The following ST6GALNAC3 variants were observed in gnomAD, a reference collection of about 807,000 sequenced individuals.
The protein encoded by ST6GALNAC3 is ST6 N-acetylgalactosaminide alpha-2,6-sialyltransferase 3, also known as alpha-N-acetylgalactosaminide alpha-2,6-sialyltransferase 3.
In ST6GALNAC3, 25 loss-of-function variants were observed where a neutral mutation model predicts 32.7. That is an observed-to-expected ratio of 0.76 (90% CI 0.56 to 1.07). The LOEUF is 1.07. ST6GALNAC3 is among the 50% of genes least tolerant of loss of function. The pLI, the probability that ST6GALNAC3 is intolerant of heterozygous loss-of-function variation, is 0.00. For synonymous variants in ST6GALNAC3, 129 were observed against 133.1 expected (o/e 0.97, Z 0.21); for missense variants, 355 against 382.4 (o/e 0.93, Z 0.60).
chr1:76,189,502 C>T (rs12402760), intron 1 of ST6GALNAC3, among the ~76,000 whole-genome samples: 76,246 of 151,972 alleles, frequency 0.5, 22,426 homozygotes, highest in East Asian at 0.88. Context: ...TTAAGTCACA[C>T]GTCATTGTGC....
intron 3 of ST6GALNAC3, among the ~76,000 whole-genome samples, chr1:76,575,165 G>A (rs761574768): frequency 6.6e-6 from 1 of 152,088 alleles, no homozygotes; most frequent in South Asian, 2.1e-4. Flanking sequence ...ATATGCAGAG[G>A]AAATGGAAAT....
intron 3 of ST6GALNAC3, among the ~76,000 whole-genome samples, chr1:76,459,037 G>T (rs1658080558): frequency 1.3e-5 from 2 of 152,070 alleles, no homozygotes; most frequent in African/African-American, 4.8e-5. Context: ...TGACAATTCA[G>T]GAAGATATGT....
intron 1 of ST6GALNAC3, among the ~76,000 whole-genome samples, chr1:76,262,627 G>C (rs1485771527): frequency 6.6e-6 from 1 of 152,194 alleles, no homozygotes; most frequent in East Asian, 1.9e-4. Context: ...AAGCAGCTAA[G>C]AAGCTATTGT....
intron 1 of ST6GALNAC3, among the ~76,000 whole-genome samples, chr1:76,257,026 A>G (rs1657962578): frequency 6.6e-6 from 1 of 152,162 alleles, no homozygotes; most frequent in Non-Finnish European, 1.5e-5. Context: ...GTCAGACAGC[A>G]GCTAGCTATT....
chr1:76,423,422 A>T (rs912944625), intron 3 of ST6GALNAC3, among the ~76,000 whole-genome samples: 1 of 151,944 alleles, frequency 6.6e-6, no homozygotes, highest in African/African-American at 2.4e-5. Context: ...CATTTATTGT[A>T]TGCTTTTTTT....
chr1:76,157,462 G>A (rs991156786), intron 1 of ST6GALNAC3, among the ~76,000 whole-genome samples: 1 of 152,140 alleles, frequency 6.6e-6, no homozygotes, highest in African/African-American at 2.4e-5. Flanking sequence ...AAATAGCCTC[G>A]TCAACTAGAG....
chr1:76,363,708 G>T (rs1323602056), intron 2 of ST6GALNAC3, among the ~76,000 whole-genome samples: 1 of 152,184 alleles, frequency 6.6e-6, no homozygotes, highest in Non-Finnish European at 1.5e-5. Flanking sequence ...GGCTATGCAG[G>T]AAGCATGATG....
chr1:76,280,131 C>G (rs897193925), intron 1 of ST6GALNAC3, among the ~76,000 whole-genome samples: 2 of 152,136 alleles, frequency 1.3e-5, no homozygotes, highest in Non-Finnish European at 2.9e-5. Flanking sequence ...ACTTCATTCT[C>G]CCTGTTCTGT....
chr1:76,109,899 A>C (rs1406211493), intron 1 of ST6GALNAC3, among the ~76,000 whole-genome samples: 1 of 152,232 alleles, frequency 6.6e-6, no homozygotes, highest in Non-Finnish European at 1.5e-5. Context: ...TCTTCTACTA[A>C]CACATTATGA....
intron 1 of ST6GALNAC3, among the ~76,000 whole-genome samples, chr1:76,094,136 C>T (rs1647089626): frequency 6.6e-6 from 1 of 152,162 alleles, no homozygotes; most frequent in African/African-American, 2.4e-5. Flanking sequence ...AGGAAAGCAG[C>T]TGATAGAGTC....
At chr1:76,501,995 A>T (rs1394942503) in intron 3 of ST6GALNAC3, among the ~76,000 whole-genome samples, 1 of 152,174 alleles carries the variant, frequency 6.6e-6, no homozygotes, top group Non-Finnish European at 1.5e-5. Context: ...CAAGCATCAC[A>T]TACTCCCACA....
In ST6GALNAC3 at chr1:76,537,270, A is replaced by G. The variant is rs185826841; in HGVS notation, c.624-90182A>G. 4.9e-4 allele frequency among the ~76,000 whole-genome samples: 75 copies of G among 152,320 alleles called. No individual in the cohort carries two copies. The Middle Eastern group carries it at 0.014, about 28-fold the overall frequency. ...AGACAGAGATAAATAATTTCTTTAA[A>G]ACCAATAAAAACAAAGAGACAATGT... On this transcript the variant is annotated intron_variant, in intron 3 of 4. Coordinates refer to ENST00000328299, the MANE Select transcript of ST6GALNAC3 (RefSeq NM_152996.4).
chr1:76,132,414 G>C (rs559706802), intron 1 of ST6GALNAC3, among the ~76,000 whole-genome samples: 9 of 152,204 alleles, frequency 5.9e-5, no homozygotes, highest in African/African-American at 2.2e-4. Context: ...TTCCAATCCG[G>C]TGAGCTCCCC....
At chr1:76,088,428 G>A (rs1039026448) in intron 1 of ST6GALNAC3, among the ~76,000 whole-genome samples, 1 of 152,130 alleles carries the variant, frequency 6.6e-6, no homozygotes, top group Non-Finnish European at 1.5e-5. Flanking sequence ...ATCCTTTGAG[G>A]CTTTTTAAAA....
At chr1:76,316,504 A>G (rs1464689028) in intron 2 of ST6GALNAC3, among the ~76,000 whole-genome samples, 1 of 152,136 alleles carries the variant, frequency 6.6e-6, no homozygotes, top group Non-Finnish European at 1.5e-5. Flanking sequence ...AAAGTACACA[A>G]TGTGATTCCG....
chr1:76,550,689 G>C (rs1420076544), intron 3 of ST6GALNAC3, among the ~76,000 whole-genome samples: 3 of 152,062 alleles, frequency 2.0e-5, no homozygotes, highest in South Asian at 4.1e-4. Flanking sequence ...TTTTTTATCT[G>C]TAAAATGGTG....
At chr1:76,607,379 C>T (rs951821669) in intron 3 of ST6GALNAC3, among the ~76,000 whole-genome samples, 1 of 152,090 alleles carries the variant, frequency 6.6e-6, no homozygotes, top group African/African-American at 2.4e-5. Flanking sequence ...CAATCTTGAG[C>T]TTCTCTCCTA....
At position 76,631,132 on chromosome 1, in the gene ST6GALNAC3, G is replaced by A. The variant is rs887298001; in HGVS notation, c.*2326G>A. 3.1e-5 allele frequency: 21 copies of A among 686,738 alleles called. No homozygotes were observed. The highest frequency in any genetic ancestry group is 2.7e-4 in the African/African-American group (14 of 51,236). The allele number at this position is 686,738 out of a possible 1,614,324, so 42.5% of individuals were successfully genotyped here. On this transcript the variant is annotated 3_prime_UTR_variant, in exon 5 of 5. Coordinates refer to ENST00000328299, the MANE Select transcript of ST6GALNAC3 (RefSeq NM_152996.4). ...TATCCCTCACTCTATAGCAGAAGGT[G>A]TGTGTGGAATATGTAGACTCCAGTG...
chr1:76,380,635 A>G (rs189834531), intron 2 of ST6GALNAC3, among the ~76,000 whole-genome samples: 140 of 152,356 alleles, frequency 9.2e-4, no homozygotes, highest in Non-Finnish European at 1.7e-3. Flanking sequence ...AATGAATGAA[A>G]TGAGAAAGAA....
Sources: allele counts gnomAD v4.1 joint callset (sites outside exome capture counted in the v4.1 genomes callset), GRCh38; gene constraint gnomAD v4.1.1; transcripts MANE v1.5; gene names NCBI Gene and HGNC (gene_info 2026-07-23, HGNC 2026-07-21).